The following GLA variants were observed in gnomAD, a reference collection of about 807,000 sequenced individuals.
The protein encoded by GLA is galactosidase alpha, also known as alpha-galactosidase A.
Under a neutral mutation model 28.2 loss-of-function variants are expected in GLA, and 4 were observed. The observed-to-expected ratio is 0.14, with a 90% CI of 0.07 to 0.32. The LOEUF is 0.32. Ranked by LOEUF, GLA falls within the 10% of genes least tolerant of loss-of-function variation. GLA has a pLI of 1.00. For missense variants in GLA, 203 were observed against 323.7 expected (o/e 0.63, Z 2.86); for synonymous variants, 94 against 113.0 (o/e 0.83, Z 1.07).
At chrX:101,402,431 A>T (rs1273079212) in intron 2 of GLA, among the ~76,000 whole-genome samples, 1 of 112,151 alleles carries the variant, frequency 8.9e-6, no homozygotes, top group African/African-American at 3.2e-5. Flanking sequence ...TTTGGAATTG[A>T]ACTTGGCTCT....
At chrX:101,406,426 C>A (rs1466604168) in intron 1 of GLA, among the ~76,000 whole-genome samples, 5 of 110,660 alleles carry the variant, frequency 4.5e-5, no homozygotes, top group African/African-American at 1.6e-4. Flanking sequence ...AACATTTAAA[C>A]CATGATTATT....
intron 1 of GLA, among the ~76,000 whole-genome samples, chrX:101,404,378 T>G (rs781985815): frequency 9.0e-6 from 1 of 111,521 alleles, no homozygotes; most frequent in Non-Finnish European, 1.9e-5. Flanking sequence ...GAGATAAATT[T>G]AAGATACGTG....
chrX:101,400,806 G>T, intron 3 of GLA, 49 bp from the exon 4 acceptor site: 1 of 638,592 alleles, frequency 1.6e-6, no homozygotes, highest in Non-Finnish European at 2.6e-6. Flanking sequence ...TGAATTTCCA[G>T]CTGGGGCTAT....
At position 101,403,921 on chromosome X, in the gene GLA, C is replaced by T. The variant is rs986730205; in HGVS notation, c.259G>A (p.Glu87Lys). ...VSEGWKDAGY[E>K]YLCIDDCWMA... ...CAACAGTCATCAATGCAGAGGTACT[C>T]ATAACCTGCATCCTTCCAGCCTTCT... Residue 87 changes from glutamate to lysine, a missense_variant, in exon 2 of 7, where the codon GAG becomes AAG. By Grantham distance (56) the Glu-to-Lys change is moderately conservative (BLOSUM62 1). Transcript: ENST00000218516. 2.5e-6 allele frequency: 3 copies of T among 1,207,695 alleles called. No homozygotes were observed. Among genetic ancestry groups the T allele is most frequent in the Admixed American group, 2.2e-5 (1 of 46,084 alleles).
At chrX:101,407,679 C>CT (rs1928575766) in intron 1 of GLA, 31 bp downstream of exon 1, 1 of 1,169,386 alleles carries the variant, frequency 8.6e-7, no homozygotes, top group Non-Finnish European at 1.2e-6. Flanking sequence ...CATGGAAAAG[C>CT]AAAGGGAAGG....
At chrX:101,404,058 C>T in intron 1 of GLA, 73 bp from the exon 2 acceptor site, 1 of 962,026 alleles carries the variant, frequency 1.0e-6, no homozygotes, top group Middle Eastern at 2.8e-4. Context: ...TATTAGGCAC[C>T]TTGGGATTTC....
intron 1 of GLA, among the ~76,000 whole-genome samples, chrX:101,404,566 C>CTTTT (rs1171364737): frequency 0.023 from 1,822 of 79,126 alleles, 115 homozygotes; most frequent in African/African-American, 0.092. Context: ...TCCTTTTTAT[C>CTTTT]TTTTTTTTTT....
chrX:101,407,646 A>C, intron 1 of GLA, 64 bp downstream of exon 1: 1 of 1,035,438 alleles, frequency 9.7e-7, no homozygotes. Flanking sequence ...GAGACTCTCC[A>C]GTTCCCCAAA....
intron 1 of GLA, among the ~76,000 whole-genome samples, chrX:101,405,963 G>C (rs1370023073): frequency 9.8e-6 from 1 of 101,618 alleles, no homozygotes; most frequent in Non-Finnish European, 2.0e-5. Flanking sequence ...CCAGCACTTT[G>C]GGAGGCTGAG....
chrX:101,407,450 GAGA>G (rs1603047346), intron 1 of GLA, among the ~76,000 whole-genome samples: 1 of 110,824 alleles, frequency 9.0e-6, no homozygotes, highest in African/African-American at 3.3e-5. Flanking sequence ...GAAAGAGAAA[GAGA>G]AGGAGAACGA....
intron 1 of GLA, among the ~76,000 whole-genome samples, chrX:101,407,232 GA>G (rs1197132185): frequency 9.0e-6 from 1 of 111,254 alleles, no homozygotes; most frequent in African/African-American, 3.3e-5. Flanking sequence ...AAAATGGCAC[GA>G]ATCTTAGTTC....
chrX:101,400,739 A>C lies in GLA; in HGVS notation c.566T>G (p.Leu189Trp), dbSNP rs1555985577. 3.4e-6 allele frequency: 4 copies of C among 1,160,973 alleles called. No individual in the cohort carries two copies. Among genetic ancestry groups the C allele is most frequent in the Non-Finnish European group, 4.7e-6 (4 of 850,489 alleles). Residue 189 changes from leucine (L) to tryptophan (W), a missense_variant, in exon 4 of 7, where the codon TTG becomes TGG. By Grantham distance (61) the Leu-to-Trp change is moderately conservative (BLOSUM62 -2). Transcript: ENST00000218516. ...NLADGYKHMS[L>W]ALNRTGRSIV... is the part of the protein sequence containing the mutation. ...GCTTCTGCCAGTCCTATTCAGGGCC[A>C]AGGACATGTGCTTATAACCTGTATG...
chrX:101,407,460 A>AAGAGAGAGAGAGAGAGAGAGAGAG (rs1928562077), intron 1 of GLA, among the ~76,000 whole-genome samples: 1 of 98,640 alleles, frequency 1.0e-5, no homozygotes, highest in African/African-American at 4.2e-5. Context: ...GAGAAGGAGA[A>AAGAGAGAGAGAGAGAGAGAGAGAG]CGAGAGAGAG....
rs781838005 is a variant in GLA, at chrX:101,403,941, C to T, written c.239G>A (p.Gly80Asp). ...MEMAELMVSE[G>D]WKDAGYEYLC... ...GTACTCATAACCTGCATCCTTCCAG[C>T]CTTCTGAGACCATGAGCTCTGCCAT... The change falls in exon 2 of 7, where the codon GGC (glycine) becomes GAC (aspartate). Residue 80 changes from glycine (G) to aspartate (D), a missense_variant. By Grantham distance (94) the Gly-to-Asp change is moderately conservative. Transcript: ENST00000218516. 2.5e-6 allele frequency: 3 copies of T among 1,209,032 alleles called. No individual in the cohort carries two copies. The Admixed American group carries it at 6.5e-5, about 26-fold the overall frequency.
intron 2 of GLA, 82 bp downstream of exon 2, chrX:101,403,729 A>C: frequency 1.0e-6 from 1 of 995,994 alleles, no homozygotes; most frequent in Non-Finnish European, 1.4e-6. Flanking sequence ...ACGCCCGGCC[A>C]TGAGGGCTGT....
At chrX:101,406,029 C>A (rs1555986731) in intron 1 of GLA, among the ~76,000 whole-genome samples, 3 of 93,142 alleles carry the variant, frequency 3.2e-5, no homozygotes, top group African/African-American at 1.2e-4. Context: ...ATGGTGAAAC[C>A]CCGTCTGTAC....
chrX:101,406,727 C>G (rs1928532750), intron 1 of GLA, among the ~76,000 whole-genome samples: 2 of 112,535 alleles, frequency 1.8e-5, no homozygotes, highest in African/African-American at 6.5e-5. Flanking sequence ...TTACCAACAT[C>G]TATCAGTGAT....
intron 4 of GLA, among the ~76,000 whole-genome samples, chrX:101,400,207 T>C (rs782262298): frequency 6.6e-5 from 7 of 105,736 alleles, no homozygotes; most frequent in Non-Finnish European, 1.3e-4. Context: ...CTCAGGGTTT[T>C]TTTCTTTAAA....
chrX:101,398,504 T>C lies in GLA; in HGVS notation c.865A>G (p.Ile289Val), dbSNP rs140329381. ...QQVTQMALWA[I>V]MAAPLFMSND... ...GACATGAATAAAGGAGCAGCCATGA[T>C]AGCCCAGAGGGCCATCTGAGTTACT... is the stretch of plus-strand genomic sequence containing the variant. Residue 289 changes from isoleucine to valine, a missense_variant, in exon 6 of 7, where the codon ATC (isoleucine) becomes GTC (valine). By Grantham distance (29) the Ile-to-Val change is conservative. Transcript: ENST00000218516. The C allele has an allele frequency of 3.3e-5, 40 of 1,206,911 alleles. No homozygotes were observed. In the Admixed American group the frequency reaches 6.1e-4, roughly 18 times the overall value.
Sources: allele counts gnomAD v4.1 joint callset (sites outside exome capture counted in the v4.1 genomes callset), GRCh38; gene constraint gnomAD v4.1.1; transcripts MANE v1.5; gene names NCBI Gene and HGNC (gene_info 2026-07-23, HGNC 2026-07-21).